PKD1L3: variants seen among roughly 807,000 people sequenced by gnomAD.
PKD1L3 encodes polycystin-1-like protein 3.
In PKD1L3, 239 loss-of-function variants were observed where a neutral mutation model predicts 184.1. The observed-to-expected ratio is 1.30, with a 90% CI of 1.17 to 1.45. The LOEUF (loss-of-function observed/expected upper bound fraction) is 1.45, where lower values mean the gene tolerates loss of function less well. PKD1L3 is among the 40% of genes most tolerant of loss of function. PKD1L3 has a pLI of 0.00. For missense variants in PKD1L3, 2,660 were observed against 2,067.2 expected (o/e 1.29, Z -5.56); for synonymous variants, 996 against 778.8 (o/e 1.28, Z -4.64).
rs1023544035 is a variant in PKD1L3 at position 71,956,054 on chromosome 16, T to C, written c.2613-1753A>G. Among the ~76,000 whole-genome samples the C allele has an allele frequency of 3.9e-5, 6 of 152,044 alleles. No homozygotes were observed. In the East Asian group the frequency reaches 7.7e-4, roughly 20 times the overall value. ...TGTATTTTTTGTAGAGATGGAGTTT[T>C]ACCATGTTGCCCAGGCTGGTCTCGA... On this transcript the variant is annotated intron_variant, in intron 16 of 29. Transcript: ENST00000620267.
chr16:71,933,535 G>A lies in PKD1L3; in HGVS notation c.4825-14C>T, dbSNP rs1281766562. 3.3e-6 allele frequency: 5 copies of A among 1,527,926 alleles called. No homozygotes were observed. Among genetic ancestry groups the A allele is most frequent in the Non-Finnish European group, 3.6e-6 (4 of 1,125,358 alleles). 94.6% of individuals were successfully genotyped at this position (1,527,926 alleles called of 1,614,324 possible). ...CAGCAGGTTAAACTGAACAGAAGGA[G>A]AAAGGCCAGTTAGTGCAAGCCGAGC... On this transcript the variant is annotated splice_polypyrimidine_tract_variant and intron_variant, in intron 27 of 29. Transcript: ENST00000620267.
At chr16:71,948,625 C>A (rs1183310122) in intron 21 of PKD1L3, among the ~76,000 whole-genome samples, 29 of 152,208 alleles carry the variant, frequency 1.9e-4, no homozygotes, top group Admixed American at 1.6e-3. Context: ...CCTTAACGAG[C>A]ACTGGCTGTT....
intron 24 of PKD1L3, among the ~76,000 whole-genome samples, chr16:71,939,169 G>A (rs1478742932): frequency 1.3e-5 from 2 of 152,230 alleles, no homozygotes; most frequent in African/African-American, 4.8e-5. Flanking sequence ...CAGTCTTTCA[G>A]GGAGCCGGCA....
At chr16:71,988,253 G>A (rs187167737) in intron 4 of PKD1L3, among the ~76,000 whole-genome samples, 80 of 152,104 alleles carry the variant, frequency 5.3e-4, no homozygotes, top group African/African-American at 1.8e-3. Context: ...GGAGTTCAGC[G>A]GTGCGATCTT....
At chr16:71,962,812 G>T (rs960064615) in intron 16 of PKD1L3, among the ~76,000 whole-genome samples, 1 of 152,092 alleles carries the variant, frequency 6.6e-6, no homozygotes, top group African/African-American at 2.4e-5. Context: ...TCAGTTGAAG[G>T]CTACAGCCCT....
At chr16:71,994,918 G>A (rs1210461433) in intron 2 of PKD1L3, among the ~76,000 whole-genome samples, 2 of 152,080 alleles carry the variant, frequency 1.3e-5, no homozygotes, top group Admixed American at 6.6e-5. Flanking sequence ...AACCCAGGAG[G>A]TGGAGGTTGC....
chr16:71,947,435 G>A lies in PKD1L3; in HGVS notation c.3718+57C>T, dbSNP rs973616179. 7 of 1,123,618 alleles carry A rather than the reference G, an allele frequency of 6.2e-6. No homozygotes were observed. The African/African-American group carries it at 9.3e-5, about 15-fold the overall frequency. The allele number at this position is 1,123,618 out of a possible 1,614,324, so 69.6% of individuals were successfully genotyped here. A position where few individuals can be genotyped will look rare whatever the true frequency, so the allele number is the denominator to read the frequency against. ...GTTAATTTATCGAGTCAGCAAGGTG[G>A]CCAGATCTAATTTGCTTTTTGCAAA... On this transcript the variant is annotated intron_variant, in intron 22 of 29. Coordinates refer to ENST00000620267, the MANE Select transcript of PKD1L3 (RefSeq NM_181536.2).
chr16:71,970,768 A>G (rs2039680858), intron 12 of PKD1L3, among the ~76,000 whole-genome samples: 1 of 152,198 alleles, frequency 6.6e-6, no homozygotes, highest in Admixed American at 6.5e-5. Flanking sequence ...AGATCACACC[A>G]CTGCATTCCA....
intron 4 of PKD1L3, among the ~76,000 whole-genome samples, chr16:71,989,829 G>A (rs2040518882): frequency 6.6e-6 from 1 of 152,104 alleles, no homozygotes; most frequent in African/African-American, 2.4e-5. Flanking sequence ...AATCCCAGCA[G>A]TTTGGGAGGC....
rs2038781528 is a variant in PKD1L3 at position 71,950,303 on chromosome 16, A to G, written c.3198T>C (p.Pro1066=). The G allele has an allele frequency of 6.6e-7, 1 of 1,519,994 alleles. No homozygotes were observed. The highest frequency in any genetic ancestry group is 1.4e-5 in the African/African-American group (1 of 71,776). 94.2% of individuals were successfully genotyped at this position (1,519,994 alleles called of 1,614,324 possible). A position where few individuals can be genotyped will look rare whatever the true frequency, so the allele number is the denominator to read the frequency against. The change falls in exon 20 of 30, where the codon CCT becomes CCC. Residue 1066 remains proline (P), a synonymous_variant. Coordinates refer to ENST00000620267, the MANE Select transcript of PKD1L3 (RefSeq NM_181536.2). ...AACAGCAGAAATGATGGTGGTTTTC[A>G]GGAACAACTGAAAATATATTTCAAG... ...QGERHWARVV[P]ENHHHFCCYL...
intron 12 of PKD1L3, among the ~76,000 whole-genome samples, chr16:71,972,691 A>T (rs73578401): frequency 0.065 from 9,920 of 152,218 alleles, 1,087 homozygotes; most frequent in African/African-American, 0.23. Flanking sequence ...CTCAAAAAAA[A>T]AAGAAAATTA....
chr16:71,942,889 T>C lies in PKD1L3; in HGVS notation c.3995A>G (p.Tyr1332Cys). The C allele has an allele frequency of 6.4e-7, 1 of 1,551,602 alleles. No individual in the cohort carries two copies. Among genetic ancestry groups the C allele is most frequent in the Non-Finnish European group, 8.7e-7 (1 of 1,146,946 alleles). Residue 1332 changes from tyrosine (Y) to cysteine (C), a missense_variant, in exon 24 of 30, where the codon TAC becomes TGC. Coordinates refer to ENST00000620267, the MANE Select transcript of PKD1L3 (RefSeq NM_181536.2). ...FSEIKLLQDF[Y>C]PWANHILLPS... is the part of the protein sequence containing the mutation. ...AAGAAGGATATGATTGGCCCAGGGGTAGAAATCCTGAAGAAGTTTGATTTC... is the reference window on the plus strand; with the variant it reads ...AAGAAGGATATGATTGGCCCAGGGGCAGAAATCCTGAAGAAGTTTGATTTC...
chr16:71,999,670 C>G lies in PKD1L3; in HGVS notation c.295+14G>C. 1 of 1,510,650 alleles carries G rather than the reference C, an allele frequency of 6.6e-7. No homozygotes were observed. Among genetic ancestry groups the G allele is most frequent in the Non-Finnish European group, 8.9e-7 (1 of 1,124,192 alleles). 93.6% of individuals were successfully genotyped at this position (1,510,650 alleles called of 1,614,324 possible). On this transcript the variant is annotated intron_variant, in intron 1 of 29. Transcript: ENST00000620267. ...GGAAGTTTCCTTCATAAACACTGAACCCCAGGGTCTTACCTGGGTATTTGT... is the reference window on the plus strand; with the variant it reads ...GGAAGTTTCCTTCATAAACACTGAAGCCCAGGGTCTTACCTGGGTATTTGT...
At chr16:71,936,596 T>C (rs185692346) in intron 25 of PKD1L3, among the ~76,000 whole-genome samples, 1 of 148,774 alleles carries the variant, frequency 6.7e-6, no homozygotes, top group African/African-American at 2.5e-5. Flanking sequence ...CTCGGCTCAC[T>C]GCAACCTCCG....
intron 21 of PKD1L3, among the ~76,000 whole-genome samples, chr16:71,947,899 CCT>C (rs2038680626): frequency 6.7e-6 from 1 of 149,716 alleles, no homozygotes; most frequent in Non-Finnish European, 1.5e-5. Flanking sequence ...CTTTGGAAAA[CCT>C]CTGATAAAGA....
intron 24 of PKD1L3, among the ~76,000 whole-genome samples, chr16:71,939,413 C>T (rs976605849): frequency 2.6e-5 from 4 of 152,178 alleles, no homozygotes; most frequent in African/African-American, 7.2e-5. Flanking sequence ...AAGGTGCTGC[C>T]GGCCACAGAG....
chr16:71,993,171 T>C (rs989427677), intron 3 of PKD1L3, 45 bp downstream of exon 3: 52 of 1,342,676 alleles, frequency 3.9e-5, no homozygotes, highest in Middle Eastern at 1.8e-4. Flanking sequence ...TTAGCAGAAA[T>C]TGATTCCACG....
chr16:71,956,565 G>C (rs1295898734), intron 16 of PKD1L3, among the ~76,000 whole-genome samples: 1 of 152,126 alleles, frequency 6.6e-6, no homozygotes, highest in Non-Finnish European at 1.5e-5. Flanking sequence ...AATGAAATAA[G>C]CCAGTCACCG....
chr16:71,969,504 G>C (rs1156820906), intron 13 of PKD1L3, among the ~76,000 whole-genome samples: 1 of 137,568 alleles, frequency 7.3e-6, no homozygotes, highest in Non-Finnish European at 1.5e-5. Context: ...TAGAGACAAG[G>C]TCTTGTTATG....
Sources: allele counts gnomAD v4.1 joint callset (sites outside exome capture counted in the v4.1 genomes callset), GRCh38; gene constraint gnomAD v4.1.1; transcripts MANE v1.5; gene names NCBI Gene and HGNC (gene_info 2026-07-23, HGNC 2026-07-21).